The following NF1 variants were observed in gnomAD, a reference collection of about 807,000 sequenced individuals.
The protein encoded by NF1 is neurofibromin.
In NF1, 122 loss-of-function variants were observed where a neutral mutation model predicts 325.7. That is an observed-to-expected ratio of 0.37 (90% CI 0.32 to 0.44). The LOEUF (loss-of-function observed/expected upper bound fraction) is 0.44. Among genes scored for constraint, NF1 ranks in the 20% least tolerant of loss-of-function variants. NF1 has a pLI of 1.00. For synonymous variants in NF1, 1,091 were observed against 1,186.0 expected (o/e 0.92, Z 1.65); for missense variants, 2,140 against 3,415.4 (o/e 0.63, Z 9.31).
Position 31,291,501 on chromosome 17 carries a change from C to T in NF1, c.4835+26162C>T, listed in dbSNP as rs73275656. 1.8e-3 allele frequency among the ~76,000 whole-genome samples: 278 copies of T among 152,304 alleles called. 1 individual carries two copies. Among genetic ancestry groups the T allele is most frequent in the African/African-American group, 5.8e-3 (243 of 41,576 alleles). The stretch of plus-strand genomic sequence containing the variant: ...GTTAAAAAAGATTGGCAATAGTGGG[C>T]ATCCTTGTTTCGATTGTGATTTTAA... On this transcript the variant is annotated intron_variant, in intron 36 of 57. Coordinates refer to ENST00000358273, the MANE Select transcript of NF1 (RefSeq NM_001042492.3).
At chr17:31,155,121 G>A (rs891599600) in intron 1 of NF1, among the ~76,000 whole-genome samples, 1 of 152,030 alleles carries the variant, frequency 6.6e-6, no homozygotes, top group African/African-American at 2.4e-5. Flanking sequence ...ACCTTTAGTT[G>A]TACTATGTTA....
chr17:31,357,332 G>C lies in NF1; in HGVS notation c.7933G>C (p.Glu2645Gln), dbSNP rs2151583354. 1 of 1,613,976 alleles carries C rather than the reference G, an allele frequency of 6.2e-7. No individual in the cohort carries two copies. Among genetic ancestry groups the C allele is most frequent in the Non-Finnish European group, 8.5e-7 (1 of 1,179,884 alleles). ...ACGAATTCTTTATGAATACTTAGCA[G>C]AGGCCAGTGTTGTGTTTCCCAAAGT... ...DQRILYEYLA[E>Q]ASVVFPKVFP... Residue 2645 changes from glutamate (E) to glutamine (Q), a missense_variant, in exon 54 of 58, where the codon GAG becomes CAG. Physicochemically the swap from Glu to Gln is conservative, Grantham distance 29. This residue lies in a region of NF1 where 522 missense variants were observed against 749.0 expected (regional missense o/e 0.70). Transcript: ENST00000358273.
chr17:31,374,229 C>G lies in NF1; in HGVS notation c.*74C>G. The G allele has an allele frequency of 1.3e-6, 2 of 1,591,028 alleles. No individual in the cohort carries two copies. Among genetic ancestry groups the G allele is most frequent in the Non-Finnish European group, 1.7e-6 (2 of 1,160,352 alleles). On this transcript the variant is annotated 3_prime_UTR_variant, in exon 58 of 58. Coordinates refer to ENST00000358273, the MANE Select transcript of NF1 (RefSeq NM_001042492.3). ...TAGTGACCCCTTCCCTGTCCTTGCC[C>G]TTTCCCCCCATGTTGTAATGCTGCA...
At chr17:31,159,133 T>A (rs1567816156) in intron 3 of NF1, 40 bp downstream of exon 3, 1 of 1,385,976 alleles carries the variant, frequency 7.2e-7, no homozygotes, top group Non-Finnish European at 1.0e-6. Context: ...TTTGTGAATT[T>A]GATCTTGAGA....
At chr17:31,272,931 T>G (rs1395927022) in intron 36 of NF1, among the ~76,000 whole-genome samples, 1 of 152,204 alleles carries the variant, frequency 6.6e-6, no homozygotes, top group East Asian at 1.9e-4. Flanking sequence ...CAACATCTGC[T>G]GACACAAGAC....
Position 31,227,624 on chromosome 17 carries a change from A to G in NF1, c.2409+18A>G. 6.2e-7 allele frequency: 1 copy of G among 1,606,678 alleles called. No homozygotes were observed. The highest frequency in any genetic ancestry group is 1.1e-5 in the South Asian group (1 of 90,916). On this transcript the variant is annotated intron_variant, in intron 20 of 57. Transcript: ENST00000358273. Reference sequence around the variant, plus strand: ...ATGGCCAGGTAAGTCTGTAAAGTTGACTTTTGTCTGTTAACTGATCTGCTA... The same window carrying G: ...ATGGCCAGGTAAGTCTGTAAAGTTGGCTTTTGTCTGTTAACTGATCTGCTA...
chr17:31,198,629 G>T (rs572493844), intron 8 of NF1, among the ~76,000 whole-genome samples: 89 of 146,676 alleles, frequency 6.1e-4, no homozygotes, highest in Admixed American at 3.5e-3. Flanking sequence ...TTGAGGGGGT[G>T]GGGGGGATAG....
intron 36 of NF1, among the ~76,000 whole-genome samples, chr17:31,313,064 G>A (rs1315278234): frequency 6.6e-6 from 1 of 152,014 alleles, no homozygotes; most frequent in African/African-American, 2.4e-5. Flanking sequence ...CTTTTAAAAT[G>A]AGCCATAATG....
chr17:31,375,192 T>C lies in NF1; in HGVS notation c.*1037T>C, dbSNP rs576417497. ...ATTTAGGGTAGCTGATATTTTTATT[T>C]TGTTAAATAATTTCCAAGAATAGAG... On this transcript the variant is annotated 3_prime_UTR_variant, in exon 58 of 58. Coordinates refer to ENST00000358273, the MANE Select transcript of NF1 (RefSeq NM_001042492.3). 1 of 223,622 alleles carries C rather than the reference T, an allele frequency of 4.5e-6. No individual in the cohort carries two copies. Among genetic ancestry groups the C allele is most frequent in the African/African-American group, 2.2e-5 (1 of 44,958 alleles). 13.9% of individuals were successfully genotyped at this position (223,622 alleles called of 1,614,324 possible).
At chr17:31,262,889 A>G (rs1006765811) in intron 35 of NF1, among the ~76,000 whole-genome samples, 3 of 152,162 alleles carry the variant, frequency 2.0e-5, no homozygotes, top group African/African-American at 7.2e-5. Flanking sequence ...CAAAAATATA[A>G]TACTATTTTT....
In NF1 at chr17:31,300,425, T is replaced by C. The variant is rs189387000; in HGVS notation, c.4836-25395T>C. On this transcript the variant is annotated intron_variant, in intron 36 of 57. Coordinates refer to ENST00000358273, the MANE Select transcript of NF1 (RefSeq NM_001042492.3). ...ACATATATACATACTGTTAGATAAC[T>C]TGTTCTTCTTTTCTTACTGTATCTT... is the stretch of plus-strand genomic sequence containing the variant. Among the ~76,000 whole-genome samples, 453 of 152,252 alleles carry C rather than the reference T, an allele frequency of 3.0e-3. 1 individual carries two copies. Among genetic ancestry groups the C allele is most frequent in the Admixed American group, 0.015 (228 of 15,290 alleles).
chr17:31,114,537 C>CA (rs1353534245), intron 1 of NF1, among the ~76,000 whole-genome samples: 2 of 135,874 alleles, frequency 1.5e-5, no homozygotes, highest in East Asian at 2.1e-4. Context: ...GACTGTCTCA[C>CA]AAAAAAGAAT....
chr17:31,114,547 TAAAAA>T (rs143972435), intron 1 of NF1, among the ~76,000 whole-genome samples: 1 of 101,988 alleles, frequency 9.8e-6, no homozygotes, highest in African/African-American at 3.1e-5. Flanking sequence ...CAAAAAAGAA[TAAAAA>T]AAAAAAAGAA....
At chr17:31,097,523 G>T (rs1201497796) in intron 1 of NF1, among the ~76,000 whole-genome samples, 1 of 150,332 alleles carries the variant, frequency 6.7e-6, no homozygotes, top group African/African-American at 2.4e-5. Flanking sequence ...GCAAGAAAGT[G>T]TTTCTCCTTC....
intron 36 of NF1, among the ~76,000 whole-genome samples, chr17:31,310,329 A>G (rs2068836123): frequency 6.6e-6 from 1 of 152,154 alleles, no homozygotes; most frequent in African/African-American, 2.4e-5. Context: ...GAGAAGATAC[A>G]GAAAAGAAGA....
intron 18 of NF1, 115 bp from the exon 19 acceptor site, chr17:31,227,103 C>T (rs2067027903): frequency 3.7e-6 from 4 of 1,093,540 alleles, no homozygotes; most frequent in Non-Finnish European, 4.2e-6. Context: ...TTGGCTTTAT[C>T]ATTTGAAGCA....
chr17:31,132,792 A>G (rs1276218484), intron 1 of NF1, among the ~76,000 whole-genome samples: 1 of 151,856 alleles, frequency 6.6e-6, no homozygotes, highest in Admixed American at 6.6e-5. Context: ...TCAGCCACCC[A>G]AGTAGCTGGG....
At chr17:31,238,970 A>G (rs1272691503) in intron 29 of NF1, among the ~76,000 whole-genome samples, 4 of 152,210 alleles carry the variant, frequency 2.6e-5, no homozygotes, top group Admixed American at 6.5e-5. Flanking sequence ...AATGCCTCAC[A>G]CTAAAGTCCA....
rs569726624 is a variant in NF1 at position 31,190,687 on chromosome 17, A to G, written c.888+8022A>G. Among the ~76,000 whole-genome samples, 7 of 152,326 alleles carry G rather than the reference A, an allele frequency of 4.6e-5. No individual in the cohort carries two copies. In the South Asian group the frequency reaches 1.2e-3, roughly 27 times the overall value. On this transcript the variant is annotated intron_variant, in intron 8 of 57. Transcript: ENST00000358273. ...CTTGTTAACTGATGCTCTTAATTCT[A>G]TAGACTAGAATCTAAAAACTAGGGG...
Sources: allele counts gnomAD v4.1 joint callset (sites outside exome capture counted in the v4.1 genomes callset), GRCh38; gene constraint gnomAD v4.1.1; regional missense constraint gnomAD v4.1.1; transcripts MANE v1.5; gene names NCBI Gene and HGNC (gene_info 2026-07-23, HGNC 2026-07-21).